Variants in TMEM260 observed in about 807,000 individuals in gnomAD.
TMEM260 encodes transmembrane protein 260.
In TMEM260, 82 loss-of-function variants were observed where a neutral mutation model predicts 88.9. The observed-to-expected ratio is 0.92, with a 90% CI of 0.77 to 1.11. The LOEUF (loss-of-function observed/expected upper bound fraction) is 1.11, where lower values mean the gene tolerates loss of function less well. Ranked by LOEUF, TMEM260 falls within the 50% of genes least tolerant of loss-of-function variation. The pLI, the probability that TMEM260 is intolerant of heterozygous loss-of-function variation, is 0.00. For missense variants in TMEM260, 902 were observed against 853.4 expected (o/e 1.06, Z -0.71); for synonymous variants, 314 against 309.3 (o/e 1.02, Z -0.16).
chr14:56,595,270 C>A (rs935575717), intron 3 of TMEM260, among the ~76,000 whole-genome samples: 2 of 152,068 alleles, frequency 1.3e-5, no homozygotes, highest in Non-Finnish European at 2.9e-5. Flanking sequence ...GGTAAAAAAG[C>A]CTTCTGCACG....
chr14:56,656,382 G>A, the TMEM260 span, among the ~76,000 whole-genome samples: 3 of 151,526 alleles, frequency 2.0e-5, no homozygotes. Context: ...TTGTGCCACT[G>A]CACTCCAGCC....
intron 12 of TMEM260, among the ~76,000 whole-genome samples, chr14:56,632,121 G>A (rs1361327897): frequency 6.6e-6 from 1 of 152,172 alleles, no homozygotes; most frequent in Non-Finnish European, 1.5e-5. Context: ...GAGATAAGCT[G>A]AGGATACAAC....
chr14:56,641,540 A>G (rs906982898), intron 15 of TMEM260, among the ~76,000 whole-genome samples: 3 of 152,242 alleles, frequency 2.0e-5, no homozygotes, highest in East Asian at 1.9e-4. Context: ...AGGAACAACC[A>G]GTACCAGCCA....
At position 56,633,003 on chromosome 14, in the gene TMEM260, C is replaced by T. The variant is rs751382479; in HGVS notation, c.1556C>T (p.Thr519Ile). The T allele has an allele frequency of 4.3e-6, 7 of 1,613,212 alleles. No individual in the cohort carries two copies. The highest frequency in any genetic ancestry group is 1.7e-5 in the Admixed American group (1 of 59,908). ...TTTTCTGTTTCCAACAGAAAAGAAA[C>T]ATTTGTTTGCATAGGAATTCATGAA... ...HFLEVNKQKE[T>I]FVCIGIHEGD... The change falls in exon 13 of 16, where the codon ACA becomes ATA. Residue 519 changes from threonine to isoleucine, a missense_variant. By Grantham distance (89) the Thr-to-Ile change is moderately conservative. Coordinates refer to ENST00000261556, the MANE Select transcript of TMEM260 (RefSeq NM_017799.4).
chr14:56,609,185 C>A lies in TMEM260; in HGVS notation c.716C>A (p.Ser239Ter). ...CTGCCCTATGTCCACCTTCCCATCT[C>A]ATCTTACCTTAATCACGCCCGGTGG... ...GLLPYVHLPISSYLNHARWTW... is the reference protein window; with the variant it reads ...GLLPYVHLPI Residue 239 changes from serine to a stop codon, truncating the protein, a stop_gained, in exon 6 of 16, where the codon TCA becomes TAA. Transcript: ENST00000261556. LOFTEE classifies it high-confidence loss of function. 6.2e-7 allele frequency: 1 copy of A among 1,614,184 alleles called. No homozygotes were observed. The highest frequency in any genetic ancestry group is 8.5e-7 in the Non-Finnish European group (1 of 1,180,038).
At chr14:56,582,136 T>G (rs1885177230) in intron 1 of TMEM260, among the ~76,000 whole-genome samples, 1 of 152,218 alleles carries the variant, frequency 6.6e-6, no homozygotes, top group Non-Finnish European at 1.5e-5. Context: ...ATAATTGTGT[T>G]TACATGTTGA....
the TMEM260 span, among the ~76,000 whole-genome samples, chr14:56,657,381 A>G: frequency 6.6e-6 from 1 of 152,136 alleles, no homozygotes; most frequent in Non-Finnish European, 1.5e-5. Flanking sequence ...GGCTCAAGCA[A>G]TCCTGTCACC....
Position 56,634,943 on chromosome 14 carries a change from G to A in TMEM260, c.1769G>A (p.Trp590Ter). The change falls in exon 14 of 16, where the codon TGG becomes TAG. Residue 590 changes from tryptophan to a stop codon, truncating the protein, a stop_gained. Transcript: ENST00000261556. LOFTEE classifies it high-confidence loss of function. ...GAATCTGTGGCCAATGAAGAAATGT[G>A]GCAAGCGAGGTGACTATTCTACATT... ...SWESVANEEM[W>*]QARMKTPFFI... The A allele has an allele frequency of 6.2e-7, 1 of 1,613,974 alleles. No homozygotes were observed. The highest frequency in any genetic ancestry group is 8.5e-7 in the Non-Finnish European group (1 of 1,179,932).
chr14:56,649,692 TGAA>T (rs1431218809), downstream of TMEM260, among the ~76,000 whole-genome samples: 3 of 149,792 alleles, frequency 2.0e-5, no homozygotes, highest in African/African-American at 5.0e-5. Context: ...GAATGGCAAA[TGAA>T]GACCTCTTTT....
In TMEM260 at chr14:56,595,566, A is replaced by G. The variant is rs141404853; in HGVS notation, c.345-8249A>G. Among the ~76,000 whole-genome samples, 1,307 of 152,184 alleles carry G rather than the reference A, an allele frequency of 8.6e-3. 27 individuals are homozygous for G. The highest frequency in any genetic ancestry group is 0.03 in the African/African-American group (1,262 of 41,520). ...GCTATCATAGCTCACTGCAGCCTCA[A>G]CCTCCTGGGCTCAAGCCATCCTCCT... is the stretch of plus-strand genomic sequence containing the variant. On this transcript the variant is annotated intron_variant, in intron 3 of 15. Transcript: ENST00000261556.
At chr14:56,660,386 G>A in the TMEM260 span, among the ~76,000 whole-genome samples, 1 of 152,202 alleles carries the variant, frequency 6.6e-6, no homozygotes, top group African/African-American at 2.4e-5. Context: ...GGATTTAATT[G>A]TTACAGTACA....
At chr14:56,612,023 A>G (rs1035874067) in intron 6 of TMEM260, among the ~76,000 whole-genome samples, 6 of 152,144 alleles carry the variant, frequency 3.9e-5, no homozygotes, top group South Asian at 4.1e-4. Context: ...AAAACTACCT[A>G]TTGGGTACTA....
intron 3 of TMEM260, among the ~76,000 whole-genome samples, chr14:56,592,156 T>C (rs1293220785): frequency 6.6e-6 from 1 of 152,214 alleles, no homozygotes; most frequent in African/African-American, 2.4e-5. Flanking sequence ...CCTCATGAAG[T>C]AGAACTAACC....
chr14:56,630,989 C>T (rs944911106), intron 12 of TMEM260, among the ~76,000 whole-genome samples: 2 of 152,144 alleles, frequency 1.3e-5, no homozygotes, highest in Non-Finnish European at 2.9e-5. Context: ...GTGTGAGTTA[C>T]TGGCAGCAAA....
chr14:56,581,966 T>C (rs1279627768), intron 1 of TMEM260, among the ~76,000 whole-genome samples: 1 of 152,234 alleles, frequency 6.6e-6, no homozygotes, highest in Non-Finnish European at 1.5e-5. Flanking sequence ...AGAATAAAGT[T>C]GTGTATTCAC....
downstream of TMEM260, chr14:56,650,147 G>A (rs777991450): frequency 2.2e-6 from 1 of 449,020 alleles, no homozygotes; most frequent in South Asian, 1.6e-5. Flanking sequence ...CTGTAATGGA[G>A]GTGACTTCTC....
chr14:56,607,802 G>A (rs78560458), intron 5 of TMEM260, among the ~76,000 whole-genome samples: 251 of 152,260 alleles, frequency 1.6e-3, no homozygotes, highest in African/African-American at 5.8e-3. Flanking sequence ...CCAGACATCA[G>A]TATTTTTAAG....
chr14:56,630,953 G>A (rs1456926281), intron 12 of TMEM260, among the ~76,000 whole-genome samples: 1 of 152,136 alleles, frequency 6.6e-6, no homozygotes, highest in African/African-American at 2.4e-5. Flanking sequence ...AATCCCATGT[G>A]TGTGCTACTG....
At position 56,636,573 on chromosome 14, in the gene TMEM260, C is replaced by G. The variant is rs781016059; in HGVS notation, c.1844C>G (p.Ala615Gly). The change falls in exon 15 of 16, where the codon GCT (alanine) becomes GGT (glycine). Residue 615 changes from alanine (A) to glycine (G), a missense_variant. Ala to Gly is a moderately conservative substitution (Grantham distance 60, BLOSUM62 0). Transcript: ENST00000261556. ...ETAHMPSKVK[A>G]QLYAQAYDLY... ...GCTCACATGCCTTCAAAAGTGAAAG[C>G]TCAACTCTACGCTCAAGCATATGAC... 4 of 1,613,968 alleles carry G rather than the reference C, an allele frequency of 2.5e-6. No homozygotes were observed. Among genetic ancestry groups the G allele is most frequent in the African/African-American group, 1.3e-5 (1 of 75,004 alleles).
Sources: gnomAD v4.1 joint callset for allele counts (sites outside exome capture counted in the v4.1 genomes callset) on GRCh38, gnomAD v4.1.1 for gene constraint, MANE v1.5 for transcripts, NCBI Gene and HGNC (gene_info 2026-07-23, HGNC 2026-07-21) for gene names.